Variants in SIK2 observed in about 807,000 individuals in gnomAD.
The protein encoded by SIK2 is salt inducible kinase 2.
SIK2 carries 29 observed loss-of-function variants against 103.2 expected under a neutral mutation model. The observed-to-expected ratio is 0.28, with a 90% CI of 0.21 to 0.38. The LOEUF is 0.38. SIK2 is among the 10% of genes least tolerant of loss of function. The pLI, the probability that SIK2 is intolerant of heterozygous loss-of-function variation, is 1.00. For synonymous variants in SIK2, 412 were observed against 446.1 expected, an observed-to-expected ratio of 0.92 and a Z score of 0.96; for missense variants, 879 against 1,171.0, an observed-to-expected ratio of 0.75 and a Z score of 3.64.
chr11:111,712,148 C>T, intron 8 of SIK2, 63 bp from the exon 9 acceptor site: 4 of 1,454,156 alleles, frequency 2.8e-6, no homozygotes, highest in Non-Finnish European at 3.8e-6. Flanking sequence ...ATTCTTAGAA[C>T]TTTGTGTATT....
intron 3 of SIK2, among the ~76,000 whole-genome samples, chr11:111,678,941 G>A (rs1942742646): frequency 6.6e-6 from 1 of 152,192 alleles, no homozygotes; most frequent in African/African-American, 2.4e-5. Flanking sequence ...ACAAATCAGA[G>A]TAACCCAAGG....
chr11:111,706,132 G>A (rs1450265238), intron 8 of SIK2, among the ~76,000 whole-genome samples: 2 of 152,162 alleles, frequency 1.3e-5, no homozygotes, highest in African/African-American at 4.8e-5. Context: ...GTGTAATGGG[G>A]ATAATAATAG....
At chr11:111,696,712 A>G (rs1003565376) in intron 4 of SIK2, among the ~76,000 whole-genome samples, 2 of 152,166 alleles carry the variant, frequency 1.3e-5, no homozygotes, top group African/African-American at 4.8e-5. Context: ...GTGGAGTCTT[A>G]TTATTTTGTG....
chr11:111,664,859 T>A (rs955964387), intron 3 of SIK2, among the ~76,000 whole-genome samples: 4 of 152,166 alleles, frequency 2.6e-5, no homozygotes, highest in Non-Finnish European at 5.9e-5. Flanking sequence ...CGTATCACCC[T>A]TTCTTTTCCT....
At chr11:111,636,801 G>C (rs960602335) in intron 3 of SIK2, among the ~76,000 whole-genome samples, 2 of 152,168 alleles carry the variant, frequency 1.3e-5, no homozygotes, top group African/African-American at 4.8e-5. Flanking sequence ...GAATAATGAG[G>C]ATATTGTTCC....
intron 1 of SIK2, among the ~76,000 whole-genome samples, chr11:111,606,618 G>T (rs1591584244): frequency 6.6e-6 from 1 of 152,122 alleles, no homozygotes; most frequent in South Asian, 2.1e-4. Context: ...GCAATTTTCA[G>T]TTTTTGTTTA....
chr11:111,718,495 T>C, intron 9 of SIK2, among the ~76,000 whole-genome samples: 1 of 152,226 alleles, frequency 6.6e-6, no homozygotes, highest in East Asian at 1.9e-4. Context: ...TTTAAAACCC[T>C]GTAATGCATT....
At chr11:111,692,817 T>C (rs1029942185) in intron 4 of SIK2, among the ~76,000 whole-genome samples, 1 of 146,812 alleles carries the variant, frequency 6.8e-6, no homozygotes, top group Non-Finnish European at 1.5e-5. Flanking sequence ...TTTTTCTGGG[T>C]TTTTTTTTTG....
intron 2 of SIK2, among the ~76,000 whole-genome samples, chr11:111,618,610 C>G (rs1941839442): frequency 6.6e-6 from 1 of 152,086 alleles, no homozygotes; most frequent in East Asian, 1.9e-4. Context: ...CTGTAGTACA[C>G]CTTAATTGCA....
chr11:111,679,239 C>A (rs189555916), intron 3 of SIK2, among the ~76,000 whole-genome samples: 110 of 152,130 alleles, frequency 7.2e-4, no homozygotes, highest in Non-Finnish European at 8.1e-4. Context: ...TTAATTAAAC[C>A]AGAAACTTGA....
At chr11:111,662,817 G>T (rs1041839155) in intron 3 of SIK2, among the ~76,000 whole-genome samples, 1 of 152,266 alleles carries the variant, frequency 6.6e-6, no homozygotes, top group Admixed American at 6.5e-5. Flanking sequence ...GATCAAGGCT[G>T]CAGTGAGCCG....
At position 111,726,624 on chromosome 11, in the gene SIK2, G is replaced by T; in HGVS notation, c.*2495G>T. ...GGTTCTGTTGGTCAGTCAGGTGTTT[G>T]CTCAGCCCTGTCTGATCACCTGTGC... On this transcript the variant is annotated 3_prime_UTR_variant, in exon 15 of 15. Transcript: ENST00000304987. The T allele has an allele frequency of 3.7e-6, 1 of 268,060 alleles. No individual in the cohort carries two copies. Among genetic ancestry groups the T allele is most frequent in the Non-Finnish European group, 7.2e-6 (1 of 139,802 alleles). The allele number at this position is 268,060 out of a possible 1,614,324, so 16.6% of individuals were successfully genotyped here. A position where few individuals can be genotyped will look rare whatever the true frequency, so the allele number is the denominator to read the frequency against.
chr11:111,668,627 T>A (rs1461719394), intron 3 of SIK2, among the ~76,000 whole-genome samples: 1 of 152,204 alleles, frequency 6.6e-6, no homozygotes, highest in African/African-American at 2.4e-5. Context: ...TATTGTGCCA[T>A]GGTAACAACT....
At chr11:111,659,660 C>T (rs1361817917) in intron 3 of SIK2, among the ~76,000 whole-genome samples, 1 of 150,948 alleles carries the variant, frequency 6.6e-6, no homozygotes, top group Non-Finnish European at 1.5e-5. Flanking sequence ...ACACAGCTCA[C>T]TGGCAGCTTC....
intron 3 of SIK2, among the ~76,000 whole-genome samples, chr11:111,661,531 C>T (rs913251445): frequency 2.6e-5 from 4 of 152,208 alleles, no homozygotes; most frequent in African/African-American, 9.7e-5. Flanking sequence ...GTCACAAATA[C>T]CATAGTGGAA....
intron 8 of SIK2, among the ~76,000 whole-genome samples, chr11:111,709,828 ACAGT>A (rs1943449339): frequency 6.6e-6 from 1 of 152,214 alleles, no homozygotes; most frequent in East Asian, 1.9e-4. Flanking sequence ...AACCGAGTTC[ACAGT>A]CAGTTGTAGT....
At chr11:111,622,354 C>G (rs1229896563) in intron 3 of SIK2, among the ~76,000 whole-genome samples, 1 of 147,058 alleles carries the variant, frequency 6.8e-6, no homozygotes, top group Non-Finnish European at 1.5e-5. Context: ...CTCCCAGGTT[C>G]ACGCCATTCT....
chr11:111,638,631 T>C (rs1390694689), intron 3 of SIK2, among the ~76,000 whole-genome samples: 2 of 152,144 alleles, frequency 1.3e-5, no homozygotes, highest in Admixed American at 1.3e-4. Flanking sequence ...CCTGTTCTAT[T>C]CTGTAAAATA....
chr11:111,638,211 C>T (rs527328957), intron 3 of SIK2, among the ~76,000 whole-genome samples: 12 of 152,254 alleles, frequency 7.9e-5, no homozygotes, highest in Admixed American at 4.6e-4. Context: ...TGTCAGTATC[C>T]GGTATGCATG....
Sources: gnomAD v4.1 joint callset for allele counts (sites outside exome capture counted in the v4.1 genomes callset) on GRCh38, gnomAD v4.1.1 for gene constraint, MANE v1.5 for transcripts, NCBI Gene and HGNC (gene_info 2026-07-23, HGNC 2026-07-21) for gene names.